The following PAK6 variants were observed in gnomAD, a reference collection of about 807,000 sequenced individuals.
PAK6 encodes the protein p21 (RAC1) activated kinase 6, also known as serine/threonine-protein kinase PAK 6.
A neutral mutation model predicts 60.8 loss-of-function variants in PAK6; 33 were observed. The observed-to-expected ratio is 0.54, with a 90% CI of 0.41 to 0.73. The LOEUF is 0.73. Ranked by LOEUF, PAK6 falls within the 30% of genes least tolerant of loss-of-function variation. PAK6 has a pLI of 0.00. For missense variants in PAK6, 845 were observed against 904.1 expected (o/e 0.93, Z 0.84); for synonymous variants, 404 against 378.5 (o/e 1.07, Z -0.78).
chr15:40,241,396 G>A (rs937830374), intron 2 of PAK6, among the ~76,000 whole-genome samples: 15 of 152,308 alleles, frequency 9.8e-5, no homozygotes, highest in Middle Eastern at 3.4e-3. Flanking sequence ...CAGGAGGAGA[G>A]GATGAGCTTA....
intron 10 of PAK6, among the ~76,000 whole-genome samples, chr15:40,274,619 G>C (rs1003267146): frequency 1.3e-5 from 2 of 152,198 alleles, no homozygotes; most frequent in African/African-American, 4.8e-5. Flanking sequence ...GGAGGGATCC[G>C]GAGAAGCTTC....
intron 5 of PAK6, among the ~76,000 whole-genome samples, chr15:40,271,365 C>T (rs921795992): frequency 6.6e-6 from 1 of 152,184 alleles, no homozygotes; most frequent in African/African-American, 2.4e-5. Flanking sequence ...TTCCCTTCCT[C>T]CCTCCCTGCC....
intron 2 of PAK6, chr15:40,252,247 C>T: frequency 4.2e-6 from 5 of 1,193,778 alleles, no homozygotes; most frequent in Non-Finnish European, 5.3e-6. Flanking sequence ...CGTGCATCTG[C>T]GATGCCAGTG....
exon 9 of PAK6, chr15:40,273,647 G>A: frequency 6.2e-7 from 1 of 1,614,062 alleles, no homozygotes; most frequent in Non-Finnish European, 8.5e-7. Context: ...GGCTCCTGAA[G>A]TGATCTCCAG....
At chr15:40,252,304 G>A in intron 2 of PAK6, 2 of 1,232,852 alleles carry the variant, frequency 1.6e-6, no homozygotes, top group Non-Finnish European at 2.1e-6. Flanking sequence ...TCTCCAGGTC[G>A]GGTCTCCGCG....
chr15:40,273,593 G>C, exon 9 of PAK6: 1 of 1,614,064 alleles, frequency 6.2e-7, no homozygotes, highest in Non-Finnish European at 8.5e-7. Flanking sequence ...GATCAGCAAA[G>C]ACGTCCCTAA....
At chr15:40,257,933 G>A (rs534247317) in intron 3 of PAK6, among the ~76,000 whole-genome samples, 2 of 152,310 alleles carry the variant, frequency 1.3e-5, no homozygotes, top group African/African-American at 4.8e-5. Context: ...CCCTCCTCAA[G>A]CCAAGCCTGT....
At chr15:40,275,280 G>GGTTTTTTTT (rs1555389200) in intron 10 of PAK6, among the ~76,000 whole-genome samples, 1 of 56,486 alleles carries the variant, frequency 1.8e-5, no homozygotes, top group African/African-American at 7.2e-5. Flanking sequence ...GTTGTTGTTG[G>GGTTTTTTTT]TTTTTTTTTT....
intron 2 of PAK6, among the ~76,000 whole-genome samples, chr15:40,250,435 C>T (rs535924733): frequency 3.5e-4 from 53 of 152,198 alleles, no homozygotes; most frequent in Non-Finnish European, 6.2e-4. Context: ...GCCTACCCAA[C>T]TGACGGTTAT....
chr15:40,240,184 GC>G (rs1299478915), intron 1 of PAK6: 4 of 158,416 alleles, frequency 2.5e-5, no homozygotes, highest in Admixed American at 2.5e-4. Flanking sequence ...ATTCTGGCAG[GC>G]CTGGGTACCA....
At chr15:40,273,387 T>C in exon 8 of PAK6, 1 of 1,614,030 alleles carries the variant, frequency 6.2e-7, no homozygotes, top group East Asian at 2.2e-5. Context: ...GAGGCTGTGC[T>C]GCAGGCCCTG....
intron 3 of PAK6, among the ~76,000 whole-genome samples, chr15:40,258,132 C>A (rs1334553286): frequency 1.3e-5 from 2 of 152,190 alleles, no homozygotes. Flanking sequence ...TGGTTCCTTG[C>A]AAGATAAGGG....
intron 2 of PAK6, chr15:40,251,483 G>A (rs917294821): frequency 2.6e-5 from 4 of 152,408 alleles, no homozygotes; most frequent in Non-Finnish European, 5.9e-5. Flanking sequence ...AGATTGATGC[G>A]TCTAAAGAAT....
chr15:40,266,257 C>A lies in PAK6; in HGVS notation c.620C>A (p.Ser207Ter). The change falls in exon 5 of 11, where the codon TCG becomes TAG. Residue 207 changes from serine to a stop codon, truncating the protein, a stop_gained. Coordinates refer to ENST00000560346, the Ensembl canonical transcript of PAK6. LOFTEE classifies it high-confidence loss of function. The stretch of plus-strand genomic sequence containing the variant: ...CTGCAGAGCTCCCCACCAGGAGCCT[C>A]GCCCCCCACGGGCACCAATAGGCAT... The A allele has an allele frequency of 1.9e-6, 3 of 1,610,686 alleles. No homozygotes were observed. The highest frequency in any genetic ancestry group is 2.5e-6 in the Non-Finnish European group (3 of 1,179,854).
chr15:40,259,560 G>T (rs1400481087), intron 3 of PAK6: 1 of 152,150 alleles, frequency 6.6e-6, no homozygotes, highest in Admixed American at 6.5e-5. Context: ...CTGAAGGCGG[G>T]TGGATCACCT....
chr15:40,266,463 A>T, exon 5 of PAK6: 4 of 1,611,212 alleles, frequency 2.5e-6, no homozygotes, highest in Non-Finnish European at 1.7e-6. Flanking sequence ...CCCTCCAAGC[A>T]GCAGCAAGCC....
At chr15:40,246,366 C>T (rs11070258) in intron 2 of PAK6, 75,801 of 152,020 alleles carry the variant, frequency 0.5, 18,963 homozygotes, top group Non-Finnish European at 0.5. Context: ...CTGTCACTTG[C>T]CACCGGTCAC....
chr15:40,257,273 A>G (rs1479449556), intron 3 of PAK6, among the ~76,000 whole-genome samples: 3 of 152,230 alleles, frequency 2.0e-5, no homozygotes, highest in African/African-American at 7.2e-5. Flanking sequence ...CCCAGCGCTT[A>G]CACAGCCAGC....
chr15:40,272,077 T>C, intron 5 of PAK6, 147 bp from the exon 6 acceptor site: 1 of 860,972 alleles, frequency 1.2e-6, no homozygotes. Context: ...TCTGAAAATC[T>C]TTGCTCAGAG....
Sources: gnomAD v4.1 joint callset for allele counts (sites outside exome capture counted in the v4.1 genomes callset) on GRCh38, gnomAD v4.1.1 for gene constraint, MANE v1.5 for transcripts, NCBI Gene and HGNC (gene_info 2026-07-23, HGNC 2026-07-21) for gene names.